The following BRD10 variants were observed in gnomAD, a reference collection of about 807,000 sequenced individuals.
The protein encoded by BRD10 is bromodomain containing 10.
At chr9:5,941,190 T>C in the BRD10 span, among the ~76,000 whole-genome samples, 3 of 151,468 alleles carry the variant, frequency 2.0e-5, no homozygotes, top group Non-Finnish European at 2.9e-5. Context: ...AGCAATACTA[T>C]CTAACAAATT....
chr9:6,002,805 T>C, the BRD10 span, among the ~76,000 whole-genome samples: 3 of 151,954 alleles, frequency 2.0e-5, no homozygotes, highest in Non-Finnish European at 4.4e-5. Flanking sequence ...GCCTCCCAAG[T>C]AGCTGGGATT....
At chr9:5,975,718 T>C in the BRD10 span, among the ~76,000 whole-genome samples, 3 of 152,122 alleles carry the variant, frequency 2.0e-5, no homozygotes, top group African/African-American at 2.4e-5. Context: ...CATACTTCTA[T>C]AGTATATACT....
chr9:5,883,462 CTTTTTTTTTTTTTTTTTT>C, the BRD10 span, among the ~76,000 whole-genome samples: 1 of 102,410 alleles, frequency 9.8e-6, no homozygotes, highest in East Asian at 3.0e-4. Context: ...CCTTCTTCTT[CTTTTTTTTTTTTTTTTTT>C]TTTGAGACAG....
chr9:5,998,688 A>C, the BRD10 span, among the ~76,000 whole-genome samples: 79 of 152,206 alleles, frequency 5.2e-4, no homozygotes, highest in African/African-American at 1.9e-3. Flanking sequence ...TGTTAGTAAA[A>C]AATTAAGAGA....
At chr9:5,971,532 G>C in the BRD10 span, among the ~76,000 whole-genome samples, 2 of 152,182 alleles carry the variant, frequency 1.3e-5, no homozygotes, top group African/African-American at 4.8e-5. Context: ...TACATAAATA[G>C]TAAGAACACT....
the BRD10 span, among the ~76,000 whole-genome samples, chr9:5,904,006 C>A: frequency 2.0e-5 from 3 of 151,924 alleles, no homozygotes; most frequent in African/African-American, 7.2e-5. Flanking sequence ...TACAGGTGTG[C>A]GCCACCAAGC....
the BRD10 span, among the ~76,000 whole-genome samples, chr9:5,907,685 G>A: frequency 6.6e-6 from 1 of 152,198 alleles, no homozygotes; most frequent in Non-Finnish European, 1.5e-5. Context: ...GGGCATGGTG[G>A]CTCACACCTG....
chr9:5,957,077 A>G, the BRD10 span, among the ~76,000 whole-genome samples: 1 of 152,182 alleles, frequency 6.6e-6, no homozygotes, highest in Non-Finnish European at 1.5e-5. Flanking sequence ...ACAATTCACC[A>G]AAGAGTTTCA....
the BRD10 span, chr9:5,921,039 G>C: frequency 1.2e-6 from 2 of 1,613,914 alleles, no homozygotes; most frequent in Non-Finnish European, 1.7e-6. Flanking sequence ...GTAACTGAAA[G>C]CACATTTACT....
At chr9:5,929,151 C>A in the BRD10 span, 2 of 1,527,218 alleles carry the variant, frequency 1.3e-6, no homozygotes, top group Non-Finnish European at 9.0e-7. Flanking sequence ...TCCGATGATA[C>A]CATTTTCCCT....
chr9:5,892,655 T>C, the BRD10 span: 10 of 877,532 alleles, frequency 1.1e-5, no homozygotes, highest in Middle Eastern at 7.0e-4. Flanking sequence ...CCCTAGTGTT[T>C]ATCTCCCCAG....
chr9:5,941,634 T>C, the BRD10 span, among the ~76,000 whole-genome samples: 1 of 152,142 alleles, frequency 6.6e-6, no homozygotes. Context: ...ATAAACAAAA[T>C]TAGTTGCTTT....
the BRD10 span, chr9:6,007,700 C>G: frequency 6.2e-7 from 1 of 1,608,806 alleles, no homozygotes; most frequent in South Asian, 1.1e-5. Context: ...GCCACCTCCT[C>G]CTCGTCGTCC....
chr9:5,959,482 G>A, the BRD10 span, among the ~76,000 whole-genome samples: 5 of 152,188 alleles, frequency 3.3e-5, no homozygotes, highest in Non-Finnish European at 5.9e-5. Flanking sequence ...TAAAGGCTTA[G>A]AACAGTGCCT....
At chr9:5,974,553 GACAGAC>G in the BRD10 span, among the ~76,000 whole-genome samples, 1 of 152,148 alleles carries the variant, frequency 6.6e-6, no homozygotes, top group African/African-American at 2.4e-5. Context: ...TCATGATGCA[GACAGAC>G]AGAGAGTACC....
chr9:5,942,770 T>TA, the BRD10 span, among the ~76,000 whole-genome samples: 1 of 152,230 alleles, frequency 6.6e-6, no homozygotes, highest in South Asian at 2.1e-4. Context: ...ATGGACAAGT[T>TA]AAAAGTTTAG....
At chr9:6,006,580 T>C in the BRD10 span, among the ~76,000 whole-genome samples, 1 of 152,174 alleles carries the variant, frequency 6.6e-6, no homozygotes, top group Non-Finnish European at 1.5e-5. Context: ...TAAACATAAA[T>C]GTATAAACTT....
the BRD10 span, among the ~76,000 whole-genome samples, chr9:5,947,219 A>C: frequency 6.6e-6 from 1 of 152,164 alleles, no homozygotes; most frequent in South Asian, 2.1e-4. Context: ...TTTAATGTGC[A>C]TAAGAATTGC....
the BRD10 span, among the ~76,000 whole-genome samples, chr9:5,971,751 T>C: frequency 1.3e-5 from 2 of 152,114 alleles, no homozygotes; most frequent in Non-Finnish European, 2.9e-5. Flanking sequence ...TGAATGAGGA[T>C]GGTAGTGGGC....
Sources: gnomAD v4.1 joint callset for allele counts (sites outside exome capture counted in the v4.1 genomes callset) on GRCh38, gnomAD v4.1.1 for gene constraint, MANE v1.5 for transcripts, NCBI Gene and HGNC (gene_info 2026-07-23, HGNC 2026-07-21) for gene names.